Variants in RAB20 observed in about 807,000 individuals in gnomAD.
RAB20 encodes RAB20, member RAS oncogene family.
A neutral mutation model predicts 3.7 loss-of-function variants in RAB20; 2 were observed. The observed-to-expected ratio is 0.54, with a 90% CI of 0.22 to 1.69. The LOEUF (loss-of-function observed/expected upper bound fraction) is 1.69. RAB20 is among the 40% of genes most tolerant of loss of function. The pLI, the probability that RAB20 is intolerant of heterozygous loss-of-function variation, is 0.19. For missense variants in RAB20, 276 were observed against 311.9 expected (o/e 0.88, Z 0.87); for synonymous variants, 126 against 130.8 (o/e 0.96, Z 0.25).
At chr13:110,532,182 G>T (rs952636367) in intron 1 of RAB20, among the ~76,000 whole-genome samples, 3 of 152,174 alleles carry the variant, frequency 2.0e-5, no homozygotes, top group Non-Finnish European at 4.4e-5. Flanking sequence ...GCTGGCATTT[G>T]TATCAGCTTT....
chr13:110,523,206 G>C lies in RAB20; in HGVS notation c.*459C>G. 2.5e-6 allele frequency: 1 copy of C among 406,510 alleles called. No homozygotes were observed. The highest frequency in any genetic ancestry group is 4.3e-6 in the Non-Finnish European group (1 of 230,994). 25.2% of individuals were successfully genotyped at this position (406,510 alleles called of 1,614,324 possible). A position where few individuals can be genotyped will look rare whatever the true frequency, so the allele number is the denominator to read the frequency against. ...TAAAGCATCAAGATACAAGTACCAA[G>C]TGGGAGGACCAAAGACAACTCACAG... On this transcript the variant is annotated 3_prime_UTR_variant, in exon 2 of 2. Transcript: ENST00000267328.
chr13:110,541,254 C>T (rs141521746), intron 1 of RAB20, among the ~76,000 whole-genome samples: 1 of 152,366 alleles, frequency 6.6e-6, no homozygotes, highest in African/African-American at 2.4e-5. Context: ...ACCCCCAGGC[C>T]TCAGGAACAT....
Position 110,561,400 on chromosome 13 carries a change from G to C in RAB20, c.120C>G (p.Ala40=). 6.2e-7 allele frequency: 1 copy of C among 1,609,954 alleles called. No individual in the cohort carries two copies. The highest frequency in any genetic ancestry group is 8.5e-7 in the Non-Finnish European group (1 of 1,178,208). Reference sequence around the variant, plus strand: ...AGGAGCGCCACTGCTTCAGGTAGAAGGCGCCGCCCACCGTGCTGACCGTGT... The same window carrying C: ...AGGAGCGCCACTGCTTCAGGTAGAACGCGCCGCCCACCGTGCTGACCGTGT... ...FPDTVSTVGG[A]FYLKQWRSYN... is the part of the protein sequence containing the mutation. Residue 40 remains alanine, a synonymous_variant, in exon 1 of 2, where the codon GCC becomes GCG. Transcript: ENST00000267328.
chr13:110,547,446 T>A (rs990485209), intron 1 of RAB20, among the ~76,000 whole-genome samples: 1 of 152,240 alleles, frequency 6.6e-6, no homozygotes, highest in African/African-American at 2.4e-5. Context: ...GCAGCAGGAC[T>A]TTTCTAGTTC....
intron 1 of RAB20, among the ~76,000 whole-genome samples, chr13:110,550,753 C>T (rs1304041406): frequency 1.3e-5 from 2 of 152,080 alleles, no homozygotes; most frequent in Admixed American, 6.6e-5. Context: ...AAGATAAAAT[C>T]CAAGGTTTTG....
intron 1 of RAB20, among the ~76,000 whole-genome samples, chr13:110,556,268 A>C (rs1885037158): frequency 6.6e-6 from 1 of 152,206 alleles, no homozygotes; most frequent in Non-Finnish European, 1.5e-5. Context: ...GGGGTCCTTT[A>C]AACCCTTAGA....
intron 1 of RAB20, among the ~76,000 whole-genome samples, chr13:110,557,537 C>T (rs1885059807): frequency 6.6e-6 from 1 of 152,236 alleles, no homozygotes; most frequent in Non-Finnish European, 1.5e-5. Context: ...CCAGAGGACT[C>T]TCAAGAGACC....
chr13:110,539,989 T>C lies in RAB20; in HGVS notation c.173-15792A>G, dbSNP rs147672427. On this transcript the variant is annotated intron_variant, in intron 1 of 1. Transcript: ENST00000267328. ...AACCACTCACATCACTAACTGCAGG[T>C]AGAGTAGTTCCACCTGTGGCCCACT... 2.4e-3 allele frequency among the ~76,000 whole-genome samples: 373 copies of C among 152,328 alleles called. 3 individuals carry two copies. Among genetic ancestry groups the C allele is most frequent in the Middle Eastern group, 6.8e-3 (2 of 294 alleles).
chr13:110,541,997 G>A (rs747514562), intron 1 of RAB20, among the ~76,000 whole-genome samples: 8 of 152,142 alleles, frequency 5.3e-5, no homozygotes, highest in Admixed American at 2.0e-4. Context: ...CAGCAGGAAC[G>A]GGGTGCAAAC....
At chr13:110,541,061 C>T (rs1469324328) in intron 1 of RAB20, among the ~76,000 whole-genome samples, 1 of 152,152 alleles carries the variant, frequency 6.6e-6, no homozygotes, top group Admixed American at 6.5e-5. Flanking sequence ...AGGACCTTGC[C>T]GAGGAGGAGA....
At position 110,561,623 on chromosome 13, in the gene RAB20, C is replaced by G. The variant is rs966198838; in HGVS notation, c.-104G>C. ...GAGCGGACCCCGGACTCGCCGGGAC[C>G]CGGATTCTCGTGAACGCTCCGGGAC... On this transcript the variant is annotated 5_prime_UTR_variant, in exon 1 of 2. Coordinates refer to ENST00000267328, the MANE Select transcript of RAB20 (RefSeq NM_017817.3). The G allele has an allele frequency of 6.8e-7, 1 of 1,478,938 alleles. No homozygotes were observed. The highest frequency in any genetic ancestry group is 8.9e-7 in the Non-Finnish European group (1 of 1,117,628). 91.6% of individuals were successfully genotyped at this position (1,478,938 alleles called of 1,614,324 possible).
chr13:110,561,329 C>G lies in RAB20; in HGVS notation c.172+19G>C. 1 of 1,577,468 alleles carries G rather than the reference C, an allele frequency of 6.3e-7. No homozygotes were observed. Among genetic ancestry groups the G allele is most frequent in the Non-Finnish European group, 8.6e-7 (1 of 1,163,534 alleles). On this transcript the variant is annotated intron_variant, in intron 1 of 1. Transcript: ENST00000267328. Reference sequence around the variant, plus strand: ...GGCGGAGCCCCAGGGCGGTGTGGCTCATGCGGCGCCGGCCTCACCTGCGGT... The same window carrying G: ...GGCGGAGCCCCAGGGCGGTGTGGCTGATGCGGCGCCGGCCTCACCTGCGGT...
intron 1 of RAB20, among the ~76,000 whole-genome samples, chr13:110,529,354 A>G (rs1884490546): frequency 6.6e-6 from 1 of 152,194 alleles, no homozygotes; most frequent in Admixed American, 6.5e-5. Context: ...GTCTACAAGT[A>G]TGGGCTTAAA....
In RAB20 at chr13:110,561,331, T is replaced by G. The variant is rs776887126; in HGVS notation, c.172+17A>C. Reference sequence around the variant, plus strand: ...CGGAGCCCCAGGGCGGTGTGGCTCATGCGGCGCCGGCCTCACCTGCGGTGT... The same window carrying G: ...CGGAGCCCCAGGGCGGTGTGGCTCAGGCGGCGCCGGCCTCACCTGCGGTGT... On this transcript the variant is annotated intron_variant, in intron 1 of 1. Coordinates refer to ENST00000267328, the MANE Select transcript of RAB20 (RefSeq NM_017817.3). The G allele has an allele frequency of 3.8e-6, 6 of 1,578,484 alleles. No individual in the cohort carries two copies. The highest frequency in any genetic ancestry group is 4.9e-5 in the East Asian group (2 of 40,890).
Position 110,533,805 on chromosome 13 carries a change from G to T in RAB20, c.173-9608C>A, listed in dbSNP as rs1226490320. Among the ~76,000 whole-genome samples, 3 of 152,240 alleles carry T rather than the reference G, an allele frequency of 2.0e-5. No homozygotes were observed. In the East Asian group the frequency reaches 5.8e-4, roughly 29 times the overall value. On this transcript the variant is annotated intron_variant, in intron 1 of 1. Transcript: ENST00000267328. The stretch of plus-strand genomic sequence containing the variant: ...TGTTTGTTGATTTTAGTGCAGTAAG[G>T]AAGGCCCACAAGAGTCCCTGGGTGC...
intron 1 of RAB20, among the ~76,000 whole-genome samples, chr13:110,536,113 G>C (rs1198561033): frequency 6.6e-6 from 1 of 152,192 alleles, no homozygotes; most frequent in Non-Finnish European, 1.5e-5. Context: ...CAGACCCCCG[G>C]GGAGGAGACC....
chr13:110,529,424 C>T (rs1201180204), intron 1 of RAB20, among the ~76,000 whole-genome samples: 1 of 152,174 alleles, frequency 6.6e-6, no homozygotes, highest in Non-Finnish European at 1.5e-5. Context: ...TCTCTATTGC[C>T]TTCTCCCCCA....
At chr13:110,538,591 T>G (rs1340424199) in intron 1 of RAB20, among the ~76,000 whole-genome samples, 85 of 113,360 alleles carry the variant, frequency 7.5e-4, no homozygotes, top group African/African-American at 3.0e-3. Context: ...GGGTGAGATC[T>G]TCTCTCAAAA....
In RAB20 at chr13:110,523,864, T is replaced by C. The variant is rs1884378689; in HGVS notation, c.506A>G (p.Glu169Gly). Residue 169 changes from glutamate (E) to glycine (G), a missense_variant, in exon 2 of 2, where the codon GAG (glutamate) becomes GGG (glycine). Glu to Gly is a moderately conservative substitution (Grantham distance 98). Transcript: ENST00000267328. ...KKILKYKMLD[E>G]QDVPAAEQMC... is the part of the protein sequence containing the mutation. ...TTGCTCAGCGGCCGGCACATCCTGC[T>C]CATCCAGCATCTTGTACTTGAGGAT... 6.2e-7 allele frequency: 1 copy of C among 1,614,216 alleles called. No individual in the cohort carries two copies. Among genetic ancestry groups the C allele is most frequent in the Non-Finnish European group, 8.5e-7 (1 of 1,180,046 alleles).
Sources: gnomAD v4.1 joint callset for allele counts (sites outside exome capture counted in the v4.1 genomes callset) on GRCh38, gnomAD v4.1.1 for gene constraint, MANE v1.5 for transcripts, NCBI Gene and HGNC (gene_info 2026-07-23, HGNC 2026-07-21) for gene names.